ADAM19: variants seen among roughly 807,000 people sequenced by gnomAD.
ADAM19 encodes disintegrin and metalloproteinase domain-containing protein 19.
In ADAM19, 65 loss-of-function variants were observed where a neutral mutation model predicts 114.7. That is an observed-to-expected ratio of 0.57 (90% CI 0.46 to 0.70). ADAM19 has a LOEUF of 0.70. ADAM19 is among the 30% of genes least tolerant of loss of function. The pLI is 0.00. For synonymous variants in ADAM19, 466 were observed against 460.5 expected, an observed-to-expected ratio of 1.01 and a Z score of -0.15; for missense variants, 1,063 against 1,204.7, an observed-to-expected ratio of 0.88 and a Z score of 1.74.
chr5:157,501,769 C>G (rs1454115669), intron 12 of ADAM19, among the ~76,000 whole-genome samples: 1 of 149,954 alleles, frequency 6.7e-6, no homozygotes, highest in Non-Finnish European at 1.5e-5. Flanking sequence ...AGGTCACAGG[C>G]AGGGTGCGGT....
At position 157,477,960 on chromosome 5, in the gene ADAM19, G is replaced by A; in HGVS notation, c.*2989C>T. 1 of 310,234 alleles carries A rather than the reference G, an allele frequency of 3.2e-6. No individual in the cohort carries two copies. Among genetic ancestry groups the A allele is most frequent in the Non-Finnish European group, 6.5e-6 (1 of 154,528 alleles). The allele number at this position is 310,234 out of a possible 1,614,324, so 19.2% of individuals were successfully genotyped here. A position where few individuals can be genotyped will look rare whatever the true frequency, so the allele number is the denominator to read the frequency against. On this transcript the variant is annotated 3_prime_UTR_variant, in exon 23 of 23. Coordinates refer to ENST00000257527, the MANE Select transcript of ADAM19 (RefSeq NM_033274.5). The stretch of plus-strand genomic sequence containing the variant: ...GCTTTACTTTTATAGGGAGAAGTCA[G>A]CAAGGCTGAAAGGAATCTATGGCTA...
At chr5:157,509,595 T>A (rs910206875) in intron 8 of ADAM19, 128 bp from the exon 9 acceptor site, 24 of 809,772 alleles carry the variant, frequency 3.0e-5, no homozygotes, top group South Asian at 1.5e-4. Flanking sequence ...AAAATAAATT[T>A]AAAAAAAAAG....
At position 157,490,331 on chromosome 5, in the gene ADAM19, G is replaced by A. The variant is rs1755108859; in HGVS notation, c.2219C>T (p.Ser740Phe). ...ATACCTGAACTGTTGCCTCAGCTTG[G>A]AAGGGAGAGCTGAGGGCTTGAGTTG... ...LGQLKPSALP[S>F]KLRQQFSCPF... is the part of the protein sequence containing the mutation. Residue 740 changes from serine (S) to phenylalanine (F), a missense_variant, in exon 19 of 23, where the codon TCC becomes TTC. This residue lies in a region of ADAM19 where 424 missense variants were observed against 445.5 expected (regional missense o/e 0.95). Transcript: ENST00000257527. The A allele has an allele frequency of 6.2e-7, 1 of 1,613,962 alleles. No homozygotes were observed. Among genetic ancestry groups the A allele is most frequent in the Admixed American group, 1.7e-5 (1 of 59,994 alleles).
chr5:157,489,097 C>T lies in ADAM19; in HGVS notation c.2325+5G>A. ...TAGCAAAGTTCAGTGGTGCAAAGCT[C>T]TTACCTTTCGCTTGCCCTGGGGCGT... On this transcript the variant is annotated splice_donor_5th_base_variant and intron_variant, in intron 20 of 22. Coordinates refer to ENST00000257527, the MANE Select transcript of ADAM19 (RefSeq NM_033274.5). 6.2e-7 allele frequency: 1 copy of T among 1,613,380 alleles called. No individual in the cohort carries two copies.
chr5:157,528,885 G>A (rs1335247446), intron 5 of ADAM19, among the ~76,000 whole-genome samples: 1 of 152,222 alleles, frequency 6.6e-6, no homozygotes, highest in Non-Finnish European at 1.5e-5. Context: ...CCCTCCACCT[G>A]TGTAGGGTAT....
At chr5:157,531,515 A>T (rs555786428) in intron 4 of ADAM19, among the ~76,000 whole-genome samples, 1 of 152,062 alleles carries the variant, frequency 6.6e-6, no homozygotes, top group Admixed American at 6.5e-5. Flanking sequence ...AAAAATACAA[A>T]AATCAGCCGG....
chr5:157,570,707 G>A (rs1757795350), intron 2 of ADAM19, 188 bp downstream of exon 2: 4 of 530,094 alleles, frequency 7.5e-6, no homozygotes, highest in South Asian at 2.7e-5. Flanking sequence ...GCATTGGGAA[G>A]TGTTCTAGAA....
intron 11 of ADAM19, 93 bp from the exon 12 acceptor site, chr5:157,503,073 G>T: frequency 4.1e-6 from 5 of 1,228,674 alleles, no homozygotes; most frequent in Non-Finnish European, 5.8e-6. Flanking sequence ...TACCCGTGGG[G>T]CTGACTCCAC....
intron 7 of ADAM19, 89 bp downstream of exon 7, chr5:157,518,734 G>A: frequency 9.5e-7 from 1 of 1,052,306 alleles, no homozygotes; most frequent in Non-Finnish European, 1.5e-6. Flanking sequence ...AAAGATGAAT[G>A]GGCAACATTT....
intron 4 of ADAM19, among the ~76,000 whole-genome samples, chr5:157,531,999 A>G (rs980651341): frequency 6.6e-6 from 1 of 152,210 alleles, no homozygotes; most frequent in African/African-American, 2.4e-5. Flanking sequence ...TAAACCTTTA[A>G]GTTTATGGTG....
intron 2 of ADAM19, chr5:157,565,940 C>G (rs1757648064): frequency 6.6e-6 from 1 of 151,886 alleles, no homozygotes; most frequent in African/African-American, 2.4e-5. Context: ...GAAACCCCGT[C>G]TCTACTAAAA....
chr5:157,538,820 T>C (rs1170616444), intron 3 of ADAM19, among the ~76,000 whole-genome samples: 5 of 152,338 alleles, frequency 3.3e-5, no homozygotes, highest in Non-Finnish European at 5.9e-5. Flanking sequence ...GTCAAATGGA[T>C]GTTTCAACTA....
chr5:157,477,333 T>A lies in ADAM19; in HGVS notation c.*3616A>T. 2.0e-6 allele frequency: 2 copies of A among 997,654 alleles called. No homozygotes were observed. Among genetic ancestry groups the A allele is most frequent in the Non-Finnish European group, 2.4e-6 (2 of 836,476 alleles). 61.8% of individuals were successfully genotyped at this position (997,654 alleles called of 1,614,324 possible). On this transcript the variant is annotated 3_prime_UTR_variant, in exon 23 of 23. Coordinates refer to ENST00000257527, the MANE Select transcript of ADAM19 (RefSeq NM_033274.5). ...ATTGCAAATGACAAACAATTCATTT[T>A]TAATTAAATACTAACAAGGAAAAAA...
At chr5:157,525,485 C>G (rs1470575046) in intron 5 of ADAM19, among the ~76,000 whole-genome samples, 1 of 152,184 alleles carries the variant, frequency 6.6e-6, no homozygotes, top group African/African-American at 2.4e-5. Flanking sequence ...CCCAAGCTCA[C>G]CTAGCCAGTT....
rs558943717 is a variant in ADAM19 at position 157,567,560 on chromosome 5, G to A, written c.181-3117C>T. Among the ~76,000 whole-genome samples, 291 of 152,322 alleles carry A rather than the reference G, an allele frequency of 1.9e-3. 3 individuals are homozygous for A. The highest frequency in any genetic ancestry group is 6.7e-3 in the African/African-American group (277 of 41,560). ...CGCCTGTAATCCCAACACTTTGGGA[G>A]GCCAAGGTGGGCGGATCCCTGGAGA... On this transcript the variant is annotated intron_variant, in intron 2 of 22. Transcript: ENST00000257527.
Position 157,513,441 on chromosome 5 carries a change from A to G in ADAM19, c.731T>C (p.Val244Ala), listed in dbSNP as rs1370764203. 3 of 1,613,888 alleles carry G rather than the reference A, an allele frequency of 1.9e-6. No individual in the cohort carries two copies. The highest frequency in any genetic ancestry group is 2.5e-6 in the Non-Finnish European group (3 of 1,179,856). The change falls in exon 8 of 23, where the codon GTT becomes GCT. Residue 244 changes from valine (V) to alanine (A), a missense_variant. By Grantham distance (64) the Val-to-Ala change is moderately conservative (BLOSUM62 0). Transcript: ENST00000257527. ...KHKLIEIANYVDKFYRSLNIR... is the reference protein window; with the variant it reads ...KHKLIEIANYADKFYRSLNIR... ...GTACACACCTGGTCTCACCTTATCA[A>G]CATAGTTGGCGATCTCTATGAGCTT...
chr5:157,518,557 T>A (rs774848790), intron 7 of ADAM19, among the ~76,000 whole-genome samples: 2 of 152,168 alleles, frequency 1.3e-5, no homozygotes, highest in Non-Finnish European at 2.9e-5. Flanking sequence ...GCTAATTTTG[T>A]ATTTTTAGTA....
At position 157,493,224 on chromosome 5, in the gene ADAM19, G is replaced by A; in HGVS notation, c.1704-47C>T. 3.1e-6 allele frequency: 5 copies of A among 1,590,008 alleles called. 1 individual carries two copies. Among genetic ancestry groups the A allele is most frequent in the Middle Eastern group, 3.4e-4 (2 of 5,964 alleles). Reference sequence around the variant, plus strand: ...GGAAGGAAGCGGAATCAGAGGCAGAGGAAGAGCTGGGGCACCAGAGAGCTT... The same window carrying A: ...GGAAGGAAGCGGAATCAGAGGCAGAAGAAGAGCTGGGGCACCAGAGAGCTT... On this transcript the variant is annotated intron_variant, in intron 15 of 22. Transcript: ENST00000257527.
At position 157,505,814 on chromosome 5, in the gene ADAM19, C is replaced by T. The variant is rs1248568700; in HGVS notation, c.991-6G>A. ...ATGGCATTCTCGGAGTGGTCCTGCT[C>T]AGAAGACAGAGTTGAGGTCAAGGTC... On this transcript the variant is annotated splice_region_variant and splice_polypyrimidine_tract_variant and intron_variant, in intron 10 of 22. Transcript: ENST00000257527. The T allele has an allele frequency of 2.5e-6, 4 of 1,613,350 alleles. No homozygotes were observed. The highest frequency in any genetic ancestry group is 1.1e-5 in the South Asian group (1 of 90,986).
Sources: allele counts gnomAD v4.1 joint callset (sites outside exome capture counted in the v4.1 genomes callset), GRCh38; gene constraint gnomAD v4.1.1; regional missense constraint gnomAD v4.1.1; transcripts MANE v1.5; gene names NCBI Gene and HGNC (gene_info 2026-07-23, HGNC 2026-07-21).